SPHKAP: variants seen among roughly 807,000 people sequenced by gnomAD.
SPHKAP encodes A-kinase anchor protein SPHKAP.
SPHKAP carries 67 observed loss-of-function variants against 137.5 expected under a neutral mutation model. The observed-to-expected ratio is 0.49, with a 90% CI of 0.40 to 0.60. The LOEUF (loss-of-function observed/expected upper bound fraction) is 0.60. Among genes scored for constraint, SPHKAP ranks in the 20% least tolerant of loss-of-function variants. The pLI, the probability that SPHKAP is intolerant of heterozygous loss-of-function variation, is 0.00. For missense variants in SPHKAP, 2,097 were observed against 2,069.3 expected (o/e 1.01, Z -0.26); for synonymous variants, 813 against 785.3 (o/e 1.04, Z -0.59).
chr2:228,021,809 T>C lies in SPHKAP; in HGVS notation c.599A>G (p.Glu200Gly), dbSNP rs759140232. ...LHLETNILKL[E>G]DDTNCSLSSI... ...AGATAAGGAACAGTTCGTGTCATCCTCCAGTTTCAAGATGTTTGTTTCCAG... is the reference window on the plus strand; with the variant it reads ...AGATAAGGAACAGTTCGTGTCATCCCCCAGTTTCAAGATGTTTGTTTCCAG... Residue 200 changes from glutamate (E) to glycine (G), a missense_variant, in exon 6 of 12, where the codon GAG becomes GGG. Coordinates refer to ENST00000392056, the MANE Select transcript of SPHKAP (RefSeq NM_001142644.2). 10 of 1,614,182 alleles carry C rather than the reference T, an allele frequency of 6.2e-6. No individual in the cohort carries two copies. Among genetic ancestry groups the C allele is most frequent in the Admixed American group, 5.0e-5 (3 of 60,022 alleles).
In SPHKAP at chr2:227,981,662, C is replaced by T. The variant is rs1692997482; in HGVS notation, c.*55G>A. 1 of 1,567,934 alleles carries T rather than the reference C, an allele frequency of 6.4e-7. No individual in the cohort carries two copies. Among genetic ancestry groups the T allele is most frequent in the Non-Finnish European group, 8.6e-7 (1 of 1,160,540 alleles). ...TGTTTAGAGCATTTAGAACAAACCACTGTAATCTAAGTTGGAATAAAGGGA... is the reference window on the plus strand; with the variant it reads ...TGTTTAGAGCATTTAGAACAAACCATTGTAATCTAAGTTGGAATAAAGGGA... On this transcript the variant is annotated 3_prime_UTR_variant, in exon 12 of 12. Coordinates refer to ENST00000392056, the MANE Select transcript of SPHKAP (RefSeq NM_001142644.2).
At chr2:228,151,640 T>C (rs1042018899) in intron 1 of SPHKAP, among the ~76,000 whole-genome samples, 1 of 152,144 alleles carries the variant, frequency 6.6e-6, no homozygotes, top group Non-Finnish European at 1.5e-5. Flanking sequence ...TGGTGTGAGA[T>C]GGTATCTCAT....
chr2:228,030,131 TCATGCA>T lies in SPHKAP; in HGVS notation c.247-2594_247-2589del. ...CAAACCAACTTCTTGCTTATACTTC[TCATGCA>T]CATCTTGCAATATCTTCATAGTAGG... is the stretch of plus-strand genomic sequence containing the variant. On this transcript the variant is annotated intron_variant, in intron 3 of 11. Transcript: ENST00000392056. 1.3e-5 allele frequency among the ~76,000 whole-genome samples: 2 copies of T among 152,328 alleles called. 1 individual carries two copies. The highest frequency in any genetic ancestry group is 6.8e-3 in the Middle Eastern group (2 of 294).
At chr2:228,164,406 T>A (rs1303801447) in intron 1 of SPHKAP, among the ~76,000 whole-genome samples, 1 of 152,222 alleles carries the variant, frequency 6.6e-6, no homozygotes, top group Non-Finnish European at 1.5e-5. Context: ...CTCCCTTTCA[T>A]GTATACATAT....
intron 3 of SPHKAP, among the ~76,000 whole-genome samples, chr2:228,091,543 C>T (rs1335720048): frequency 1.3e-5 from 2 of 152,132 alleles, no homozygotes; most frequent in African/African-American, 4.8e-5. Context: ...AATCCAGAAT[C>T]TACAAGGAAC....
intron 3 of SPHKAP, among the ~76,000 whole-genome samples, chr2:228,068,752 A>G (rs1370813504): frequency 2.6e-5 from 4 of 151,972 alleles, no homozygotes; most frequent in African/African-American, 7.3e-5. Flanking sequence ...TTATTTTCTA[A>G]AGTTAGAGGT....
intron 3 of SPHKAP, among the ~76,000 whole-genome samples, chr2:228,084,545 C>T (rs898243773): frequency 1.3e-5 from 2 of 152,140 alleles, no homozygotes; most frequent in African/African-American, 2.4e-5. Context: ...AATTTTCATG[C>T]ACCACAGGAA....
intron 3 of SPHKAP, among the ~76,000 whole-genome samples, chr2:228,038,405 T>C (rs886671343): frequency 3.3e-5 from 5 of 152,088 alleles, no homozygotes; most frequent in Non-Finnish European, 5.9e-5. Context: ...GAATGTTATG[T>C]GTGACTAAAA....
At chr2:227,994,499 G>T (rs1234661998) in intron 8 of SPHKAP, among the ~76,000 whole-genome samples, 1 of 152,158 alleles carries the variant, frequency 6.6e-6, no homozygotes, top group South Asian at 2.1e-4. Context: ...GTGAGTGGTG[G>T]TGCGTCGTGT....
At chr2:228,155,191 C>A (rs1196416572) in intron 1 of SPHKAP, among the ~76,000 whole-genome samples, 15 of 152,000 alleles carry the variant, frequency 9.9e-5, no homozygotes, top group Non-Finnish European at 2.2e-4. Context: ...ACAATGATTA[C>A]CCTTTTTATT....
At chr2:228,025,312 G>C in intron 5 of SPHKAP, 82 bp downstream of exon 5, 2 of 1,367,288 alleles carry the variant, frequency 1.5e-6, no homozygotes, top group African/African-American at 2.9e-5. Flanking sequence ...CTTATGTGTA[G>C]CATCTGTTTG....
intron 1 of SPHKAP, among the ~76,000 whole-genome samples, chr2:228,153,536 T>C (rs993318658): frequency 1.3e-5 from 2 of 152,310 alleles, no homozygotes; most frequent in African/African-American, 4.8e-5. Context: ...AAGTATCACT[T>C]TATTATCTTT....
chr2:228,003,702 T>A (rs545962130), intron 7 of SPHKAP, among the ~76,000 whole-genome samples: 69 of 152,328 alleles, frequency 4.5e-4, no homozygotes, highest in African/African-American at 1.6e-3. Flanking sequence ...TGTGAGTTTG[T>A]CATAAATAGC....
At chr2:228,035,157 T>G (rs1248776999) in intron 3 of SPHKAP, among the ~76,000 whole-genome samples, 2 of 146,956 alleles carry the variant, frequency 1.4e-5, no homozygotes, top group Non-Finnish European at 3.0e-5. Flanking sequence ...AAAATCTCCT[T>G]AAGCTGATAA....
intron 7 of SPHKAP, among the ~76,000 whole-genome samples, chr2:228,002,215 A>C (rs1483961900): frequency 2.0e-5 from 3 of 152,122 alleles, no homozygotes; most frequent in Admixed American, 2.0e-4. Context: ...GTTTCTCCAC[A>C]TCCTCTCCAG....
chr2:227,996,992 A>G (rs566617091), intron 7 of SPHKAP, among the ~76,000 whole-genome samples: 23 of 152,338 alleles, frequency 1.5e-4, no homozygotes, highest in Admixed American at 2.6e-4. Context: ...AGGAGTTGGT[A>G]CTAGACATTT....
chr2:227,995,413 C>T, intron 8 of SPHKAP, 96 bp downstream of exon 8: 3 of 1,469,086 alleles, frequency 2.0e-6, no homozygotes, highest in Middle Eastern at 1.7e-4. Flanking sequence ...CTCCTTCTCT[C>T]TTTATTAGGG....
chr2:227,995,984 T>C (rs1693627829), intron 7 of SPHKAP: 4 of 985,380 alleles, frequency 4.1e-6, no homozygotes, highest in Non-Finnish European at 3.6e-6. Context: ...AAAAGAATTA[T>C]TGAGGGACAA....
intron 1 of SPHKAP, among the ~76,000 whole-genome samples, chr2:228,157,489 T>G (rs1244611891): frequency 6.6e-6 from 1 of 152,178 alleles, no homozygotes; most frequent in Non-Finnish European, 1.5e-5. Flanking sequence ...ACTCATAGCC[T>G]CAAAAAAGAA....
Sources: gnomAD v4.1 joint callset for allele counts (sites outside exome capture counted in the v4.1 genomes callset) on GRCh38, gnomAD v4.1.1 for gene constraint, MANE v1.5 for transcripts, NCBI Gene and HGNC (gene_info 2026-07-23, HGNC 2026-07-21) for gene names.